The following STK3 variants were observed in gnomAD, a reference collection of about 807,000 sequenced individuals.
The protein encoded by STK3 is serine/threonine-protein kinase 3.
Under a neutral mutation model 58.0 loss-of-function variants are expected in STK3, and 41 were observed. The ratio of observed to expected loss-of-function variants is 0.71; its 90% CI spans 0.55 to 0.92. The LOEUF is 0.92. Ranked by LOEUF, STK3 falls within the 40% of genes least tolerant of loss-of-function variation. The probability of loss-of-function intolerance (pLI) is 0.00; values close to 1 mark genes in which losing one functional copy is unlikely to be tolerated. For missense variants in STK3, 479 were observed against 602.7 expected, an observed-to-expected ratio of 0.79 and a Z score of 2.15; for synonymous variants, 170 against 191.0, an observed-to-expected ratio of 0.89 and a Z score of 0.91.
downstream of STK3, chr8:98,880,703 C>A (rs904285972): frequency 6.6e-6 from 1 of 152,030 alleles, no homozygotes; most frequent in African/African-American, 2.4e-5. Context: ...GATATACAGA[C>A]GGAAAATAAG....
At chr8:98,699,166 C>A (rs1825294350) in intron 6 of STK3, among the ~76,000 whole-genome samples, 1 of 152,162 alleles carries the variant, frequency 6.6e-6, no homozygotes, top group East Asian at 1.9e-4. Flanking sequence ...GCTCCTGAGG[C>A]TTCTGCATTC....
chr8:98,908,625 C>T (rs2131974270), intron 1 of STK3, among the ~76,000 whole-genome samples: 1 of 152,182 alleles, frequency 6.6e-6, no homozygotes, highest in East Asian at 1.9e-4. Context: ...GCGGGCGGAT[C>T]ACCTGAGGTC....
rs968394480 is a variant in STK3 at position 98,936,033 on chromosome 8, C to T, written c.-79+6345G>A. On this transcript the variant is annotated intron_variant, in intron 1 of 1. Transcript: ENST00000519420. ...CCGGGTTCATGCCATTCTCCCACTT[C>T]AGCCTCCCAAGTAGTGGGACTACAG... Among the ~76,000 whole-genome samples the T allele has an allele frequency of 1.2e-4, 19 of 152,096 alleles. No individual in the cohort carries two copies. In the East Asian group the frequency reaches 3.5e-3, roughly 28 times the overall value.
At chr8:98,595,476 G>C (rs1019295241) in intron 7 of STK3, 4 of 151,930 alleles carry the variant, frequency 2.6e-5, no homozygotes, top group African/African-American at 9.7e-5. Context: ...AAAGTTCTAA[G>C]ACTATTCTGT....
chr8:98,869,735 C>G (rs931204172), intron 3 of STK3, among the ~76,000 whole-genome samples: 1 of 151,282 alleles, frequency 6.6e-6, no homozygotes, highest in Admixed American at 6.6e-5. Flanking sequence ...TTTATACAGA[C>G]TTATCATACA....
At chr8:98,670,086 G>A (rs2130835170) in intron 6 of STK3, among the ~76,000 whole-genome samples, 1 of 152,276 alleles carries the variant, frequency 6.6e-6, no homozygotes, top group African/African-American at 2.4e-5. Flanking sequence ...AATGAATAGA[G>A]GCCAGGTGCA....
chr8:98,632,161 A>G (rs1819297810), intron 6 of STK3, among the ~76,000 whole-genome samples: 1 of 152,238 alleles, frequency 6.6e-6, no homozygotes, highest in South Asian at 2.1e-4. Flanking sequence ...AAACCTCGCA[A>G]AGAGACAAAA....
intron 6 of STK3, among the ~76,000 whole-genome samples, chr8:98,647,404 A>G (rs1820482158): frequency 6.6e-6 from 1 of 152,196 alleles, no homozygotes; most frequent in South Asian, 2.1e-4. Context: ...ATTGTTTTAT[A>G]TCTATTGCCT....
intron 1 of STK3, among the ~76,000 whole-genome samples, chr8:98,907,640 A>T (rs944366807): frequency 6.6e-6 from 1 of 152,224 alleles, no homozygotes; most frequent in African/African-American, 2.4e-5. Flanking sequence ...TTATCATTTC[A>T]CCCAAAAATA....
At chr8:98,378,357 C>T (rs949890425) in intron 2 of STK3, among the ~76,000 whole-genome samples, 4 of 152,224 alleles carry the variant, frequency 2.6e-5, no homozygotes, top group Non-Finnish European at 2.9e-5. Context: ...CTACTTGCCT[C>T]TCTTTCTACT....
At chr8:98,882,041 T>C (rs528376315), downstream of STK3, 1 of 152,228 alleles carries the variant, frequency 6.6e-6, no homozygotes, top group South Asian at 2.1e-4. Flanking sequence ...ATTGACCATA[T>C]TTGAAATAAA....
At chr8:98,897,478 G>T in intron 1 of STK3, among the ~76,000 whole-genome samples, 1 of 151,708 alleles carries the variant, frequency 6.6e-6, no homozygotes, top group African/African-American at 2.4e-5. Flanking sequence ...CAGGAGAATG[G>T]CGTGAACTCG....
At chr8:98,577,758 G>A (rs1483381339) in intron 8 of STK3, among the ~76,000 whole-genome samples, 1 of 152,044 alleles carries the variant, frequency 6.6e-6, no homozygotes, top group Admixed American at 6.5e-5. Flanking sequence ...TCCTGAAATA[G>A]CAATCTACAA....
At chr8:98,798,550 TG>T (rs1483368725) in intron 1 of STK3, among the ~76,000 whole-genome samples, 3 of 152,212 alleles carry the variant, frequency 2.0e-5, no homozygotes, top group Admixed American at 6.5e-5. Context: ...GTACCTCTCC[TG>T]GAAGTTAAAA....
chr8:98,659,625 G>A (rs1407939877), intron 6 of STK3, among the ~76,000 whole-genome samples: 1 of 151,824 alleles, frequency 6.6e-6, no homozygotes, highest in Non-Finnish European at 1.5e-5. Context: ...TGTAGAGTTT[G>A]CATGCTAGTA....
intron 3 of STK3, among the ~76,000 whole-genome samples, chr8:98,830,969 CAAAA>C (rs760622434): frequency 8.3e-5 from 5 of 59,924 alleles, no homozygotes; most frequent in South Asian, 1.4e-3. Context: ...GACTCTGTCT[CAAAA>C]AAAAAAAAAA....
chr8:98,582,761 A>G (rs981430268), intron 7 of STK3, among the ~76,000 whole-genome samples: 4 of 152,164 alleles, frequency 2.6e-5, no homozygotes, highest in African/African-American at 9.7e-5. Flanking sequence ...AGCATTTAAC[A>G]AAAAGATGTA....
At chr8:98,638,605 C>G (rs759988899) in intron 6 of STK3, 7 of 152,124 alleles carry the variant, frequency 4.6e-5, no homozygotes, top group African/African-American at 7.2e-5. Flanking sequence ...ATAAAAGTGA[C>G]TTCTTTAGAC....
At chr8:98,351,547 G>C in the STK3 span, among the ~76,000 whole-genome samples, 3 of 152,216 alleles carry the variant, frequency 2.0e-5, no homozygotes, top group Non-Finnish European at 4.4e-5. Context: ...ATGGAAGAAA[G>C]GATATATAGA....
Sources: allele counts gnomAD v4.1 joint callset (sites outside exome capture counted in the v4.1 genomes callset), GRCh38; gene constraint gnomAD v4.1.1; transcripts MANE v1.5; gene names NCBI Gene and HGNC (gene_info 2026-07-23, HGNC 2026-07-21).